NAPB: variants seen among roughly 807,000 people sequenced by gnomAD.
The protein encoded by NAPB is NSF attachment protein beta, also known as beta-soluble NSF attachment protein.
In NAPB, 26 loss-of-function variants were observed where a neutral mutation model predicts 44.7. That is an observed-to-expected ratio of 0.58 (90% CI 0.43 to 0.81). The LOEUF (loss-of-function observed/expected upper bound fraction) is 0.81, where lower values mean the gene tolerates loss of function less well. Among genes scored for constraint, NAPB ranks in the 30% least tolerant of loss-of-function variants. The pLI is 0.00. For synonymous variants in NAPB, 120 were observed against 116.8 expected (o/e 1.03, Z -0.18); for missense variants, 315 against 356.4 (o/e 0.88, Z 0.94).
At chr20:23,403,205 A>G (rs191752329) in intron 1 of NAPB, 133 bp from the exon 2 acceptor site, 580 of 675,590 alleles carry the variant, frequency 8.6e-4, no homozygotes, top group Non-Finnish European at 1.3e-3. Flanking sequence ...CTCTATTTAA[A>G]GGAGATACTC....
chr20:23,382,975 C>A (rs1203994), intron 7 of NAPB, among the ~76,000 whole-genome samples: 1 of 151,762 alleles, frequency 6.6e-6, no homozygotes, highest in Non-Finnish European at 1.5e-5. Context: ...GTCAACATGG[C>A]GAAACCTTGT....
chr20:23,398,699 C>A (rs1043604560), intron 2 of NAPB, among the ~76,000 whole-genome samples: 6 of 151,690 alleles, frequency 4.0e-5, no homozygotes, highest in African/African-American at 1.5e-4. Context: ...AAAAAATTAG[C>A]TGGGCATTGT....
At chr20:23,415,702 C>A (rs1985957569) in intron 1 of NAPB, among the ~76,000 whole-genome samples, 2 of 152,106 alleles carry the variant, frequency 1.3e-5, no homozygotes, top group African/African-American at 4.8e-5. Context: ...TGGCTAACAC[C>A]TGTAATCGCA....
chr20:23,403,252 G>A (rs2123222158), intron 1 of NAPB, among the ~76,000 whole-genome samples, 180 bp from the exon 2 acceptor site: 1 of 152,314 alleles, frequency 6.6e-6, no homozygotes, highest in East Asian at 1.9e-4. Context: ...AAACTGGGGT[G>A]TTAAGTGGTA....
chr20:23,390,090 A>G, intron 6 of NAPB, 60 bp from the exon 7 acceptor site: 1 of 1,559,176 alleles, frequency 6.4e-7, no homozygotes, highest in Non-Finnish European at 8.8e-7. Flanking sequence ...AAAGATGTGC[A>G]CTGGGCCTCA....
rs1008482190 is a variant in NAPB at position 23,377,262 on chromosome 20, G to A, written c.*114C>T. 8 of 534,112 alleles carry A rather than the reference G, an allele frequency of 1.5e-5. 1 individual carries two copies. The highest frequency in any genetic ancestry group is 1.1e-4 in the South Asian group (3 of 26,650). The allele number at this position is 534,112 out of a possible 1,614,324, so 33.1% of individuals were successfully genotyped here. A position where few individuals can be genotyped will look rare whatever the true frequency, so the allele number is the denominator to read the frequency against. ...GGCGAGCTTAAACAATACACAGGCC[G>A]TCTGGCTCATATGCAACAAAATTAA... is the stretch of plus-strand genomic sequence containing the variant. On this transcript the variant is annotated 3_prime_UTR_variant, in exon 11 of 11. Transcript: ENST00000377026.
intron 1 of NAPB, among the ~76,000 whole-genome samples, chr20:23,414,536 C>A (rs181845983): frequency 5.3e-4 from 80 of 152,172 alleles, no homozygotes; most frequent in African/African-American, 1.7e-3. Context: ...AATGAATACA[C>A]GGACTAAAAC....
intron 1 of NAPB, among the ~76,000 whole-genome samples, chr20:23,404,410 C>T (rs959826207): frequency 6.6e-6 from 1 of 152,142 alleles, no homozygotes; most frequent in East Asian, 1.9e-4. Flanking sequence ...ACTCCAAGCT[C>T]CAGCAGAGGA....
At chr20:23,379,757 TCAGTTAG>T in intron 9 of NAPB, 103 bp downstream of exon 9, 1 of 804,006 alleles carries the variant, frequency 1.2e-6, no homozygotes. Flanking sequence ...CCAGGGCCCC[TCAGTTAG>T]CAGACTTTAT....
chr20:23,409,038 A>T (rs937202711), intron 1 of NAPB, among the ~76,000 whole-genome samples: 1 of 152,244 alleles, frequency 6.6e-6, no homozygotes, highest in Non-Finnish European at 1.5e-5. Context: ...GGTATGGTGG[A>T]AAGGCCCAGG....
chr20:23,409,677 C>CA (rs1203600965), intron 1 of NAPB, among the ~76,000 whole-genome samples: 1 of 151,900 alleles, frequency 6.6e-6, no homozygotes, highest in Non-Finnish European at 1.5e-5. Context: ...ATGTGATTCC[C>CA]AAAAAATCAT....
intron 7 of NAPB, among the ~76,000 whole-genome samples, chr20:23,388,622 T>C (rs1438258876): frequency 6.6e-6 from 1 of 152,142 alleles, no homozygotes; most frequent in Non-Finnish European, 1.5e-5. Context: ...GGTGAAATAA[T>C]TTTCAATAAG....
chr20:23,402,514 A>C (rs1239779426), intron 2 of NAPB, among the ~76,000 whole-genome samples: 2 of 151,584 alleles, frequency 1.3e-5, no homozygotes, highest in African/African-American at 4.9e-5. Context: ...CCCAAACCCC[A>C]CTTTCAGTTC....
At chr20:23,404,664 C>T (rs1233246212) in intron 1 of NAPB, among the ~76,000 whole-genome samples, 1 of 152,180 alleles carries the variant, frequency 6.6e-6, no homozygotes, top group Non-Finnish European at 1.5e-5. Flanking sequence ...TCACCCAGAG[C>T]AGGTACTCAA....
intron 7 of NAPB, among the ~76,000 whole-genome samples, chr20:23,382,395 A>G (rs772310647): frequency 7.9e-5 from 12 of 152,234 alleles, no homozygotes; most frequent in Non-Finnish European, 1.5e-4. Context: ...CCTGTTTTCA[A>G]TCAGAAATGA....
At chr20:23,396,538 A>G (rs1352808262) in intron 3 of NAPB, among the ~76,000 whole-genome samples, 1 of 152,186 alleles carries the variant, frequency 6.6e-6, no homozygotes, top group Non-Finnish European at 1.5e-5. Flanking sequence ...ATCTTTGCAA[A>G]ATTTTACCAC....
chr20:23,406,639 T>TA lies in NAPB; in HGVS notation c.99-3568dup, dbSNP rs1164429258. ...TTCCCTCCACTTCAAATCTACACAT[T>TA]AAAAAAAAAGAAAAACAGCTAATAA... On this transcript the variant is annotated intron_variant, in intron 1 of 10. Coordinates refer to ENST00000377026, the MANE Select transcript of NAPB (RefSeq NM_022080.3). 6.6e-5 allele frequency among the ~76,000 whole-genome samples: 10 copies of TA among 150,868 alleles called. 1 individual carries two copies. The East Asian group carries it at 7.8e-4, about 12-fold the overall frequency.
At chr20:23,383,111 C>A (rs530979618) in intron 7 of NAPB, among the ~76,000 whole-genome samples, 2 of 140,230 alleles carry the variant, frequency 1.4e-5, no homozygotes, top group South Asian at 4.4e-4. Flanking sequence ...GACAAGATTG[C>A]GCCATTAAAC....
In NAPB at chr20:23,403,797, T is replaced by C. The variant is rs563936469; in HGVS notation, c.99-725A>G. Among the ~76,000 whole-genome samples the C allele has an allele frequency of 3.9e-5, 6 of 152,302 alleles. No homozygotes were observed. In the South Asian group the frequency reaches 1.0e-3, roughly 26 times the overall value. On this transcript the variant is annotated intron_variant, in intron 1 of 10. Coordinates refer to ENST00000377026, the MANE Select transcript of NAPB (RefSeq NM_022080.3). ...AAATTTTGAAGGATAAAGACATCTT[T>C]ACCCTGTTATCTCCCAAGAGTTCAG... is the stretch of plus-strand genomic sequence containing the variant.
Sources: allele counts gnomAD v4.1 joint callset (sites outside exome capture counted in the v4.1 genomes callset), GRCh38; gene constraint gnomAD v4.1.1; transcripts MANE v1.5; gene names NCBI Gene and HGNC (gene_info 2026-07-23, HGNC 2026-07-21).